RP1L1: variants seen among roughly 807,000 people sequenced by gnomAD.
RP1L1 encodes retinitis pigmentosa 1-like 1 protein.
In RP1L1, 27 loss-of-function variants were observed where a neutral mutation model predicts 15.7. The ratio of observed to expected loss-of-function variants is 1.72; its 90% CI spans 1.27 to 2.38. The LOEUF is 2.38. Ranked by LOEUF, RP1L1 falls within the 30% of genes most tolerant of loss-of-function variation. The probability of loss-of-function intolerance (pLI) is 0.00; values close to 1 mark genes in which losing one functional copy is unlikely to be tolerated. For synonymous variants in RP1L1, 1,813 were observed against 1,276.7 expected, an observed-to-expected ratio of 1.42 and a Z score of -8.96; for missense variants, 4,798 against 3,075.9, an observed-to-expected ratio of 1.56 and a Z score of -13.24.
chr8:10,626,533 G>C (rs1441545939), intron 1 of RP1L1, among the ~76,000 whole-genome samples: 1 of 152,200 alleles, frequency 6.6e-6, no homozygotes, highest in African/African-American at 2.4e-5. Context: ...CGGGCTGCAT[G>C]GGGTCAGGCA....
intron 1 of RP1L1, among the ~76,000 whole-genome samples, chr8:10,654,205 T>TG: frequency 6.6e-6 from 1 of 152,230 alleles, no homozygotes; most frequent in Non-Finnish European, 1.5e-5. Flanking sequence ...GACTGGCCGC[T>TG]GGGGGGATGT....
rs772502717 is a variant in RP1L1, at chr8:10,611,096, T to C, written c.3002A>G (p.Glu1001Gly). 2.5e-6 allele frequency: 4 copies of C among 1,612,718 alleles called. No homozygotes were observed. The highest frequency in any genetic ancestry group is 3.4e-6 in the Non-Finnish European group (4 of 1,180,008). Residue 1001 changes from glutamate to glycine, a missense_variant, in exon 4 of 4, where the codon GAA (glutamate) becomes GGA (glycine). Glu to Gly is a moderately conservative substitution (Grantham distance 98). Coordinates refer to ENST00000382483, the MANE Select transcript of RP1L1 (RefSeq NM_178857.6). ...CGCCTGAGCTGGCTCCCCCAGGCCTTCCAGAGAATGGTCATCCCCAGGGTC... is the reference window on the plus strand; with the variant it reads ...CGCCTGAGCTGGCTCCCCCAGGCCTCCCAGAGAATGGTCATCCCCAGGGTC... ...EVDPGDDHSLEGLGEPAQAGQ... is the reference protein window; with the variant it reads ...EVDPGDDHSLGGLGEPAQAGQ...
At chr8:10,617,399 CAAA>C (rs369885056) in intron 2 of RP1L1, among the ~76,000 whole-genome samples, 263 of 83,004 alleles carry the variant, frequency 3.2e-3, no homozygotes, top group South Asian at 0.017. Context: ...TGCTCATTAA[CAAA>C]AAAAAAAAAA....
Position 10,611,579 on chromosome 8 carries a change from C to T in RP1L1, c.2519G>A (p.Gly840Glu), listed in dbSNP as rs1370267482. 4 of 1,608,758 alleles carry T rather than the reference C, an allele frequency of 2.5e-6. No individual in the cohort carries two copies. Among genetic ancestry groups the T allele is most frequent in the Non-Finnish European group, 3.4e-6 (4 of 1,178,024 alleles). Residue 840 changes from glycine (G) to glutamate (E), a missense_variant, in exon 4 of 4, where the codon GGA becomes GAA. Physicochemically the swap from Gly to Glu is moderately conservative, Grantham distance 98. Transcript: ENST00000382483. ...GTQPAQEAQR[G>E]PSPEASWLCG... is the part of the protein sequence containing the mutation. ...CAGCCAGCTAGCCTCAGGGGAGGGT[C>T]CCCGCTGGGCCTCTTGGGCCGGCTG...
At chr8:10,615,559 G>T (rs1797951963) in intron 3 of RP1L1, among the ~76,000 whole-genome samples, 2 of 152,126 alleles carry the variant, frequency 1.3e-5, no homozygotes, top group South Asian at 4.1e-4. Flanking sequence ...TTGAGGCAGG[G>T]TCTCTGTTGC....
chr8:10,648,029 C>A lies in RP1L1; in HGVS notation c.-20+6869G>T, dbSNP rs117695673. Among the ~76,000 whole-genome samples the A allele has an allele frequency of 4.5e-3, 678 of 152,008 alleles. 5 individuals are homozygous for A. Among genetic ancestry groups the A allele is most frequent in the Non-Finnish European group, 7.5e-3 (507 of 67,942 alleles). ...TTGTTATTTTCTGGTTTCTCTCTCT[C>A]TCTCTTTTCTTTTTTTTTTTTAGAC... On this transcript the variant is annotated intron_variant, in intron 1 of 3. Transcript: ENST00000382483.
chr8:10,608,925 C>T lies in RP1L1; in HGVS notation c.5173G>A (p.Gly1725Arg). 1 of 1,614,140 alleles carries T rather than the reference C, an allele frequency of 6.2e-7. No individual in the cohort carries two copies. The highest frequency in any genetic ancestry group is 8.5e-7 in the Non-Finnish European group (1 of 1,180,032). The change falls in exon 4 of 4, where the codon GGA becomes AGA. Residue 1725 changes from glycine to arginine, a missense_variant. Transcript: ENST00000382483. ...TDPTSTRTVQ[G>R]AEGGLGPGLS... ...CCCGGCCCCAGCCCTCCCTCAGCTC[C>T]CTGGACAGTCCTAGTGCTCGTGGGG...
chr8:10,610,434 T>A lies in RP1L1; in HGVS notation c.3664A>T (p.Thr1222Ser). Residue 1222 changes from threonine to serine, a missense_variant, in exon 4 of 4, where the codon ACC (threonine) becomes TCC (serine). Physicochemically the swap from Thr to Ser is moderately conservative, Grantham distance 58. Transcript: ENST00000382483. ...AGCTCTGTCCCCTGTGTCACCAGGG[T>A]GCCGTCCATGGCACAGGGTACGCTA... ...ESSVPCAMDGTLVTQGTELPL... is the reference protein window; with the variant it reads ...ESSVPCAMDGSLVTQGTELPL... 6.2e-7 allele frequency: 1 copy of A among 1,613,836 alleles called. No homozygotes were observed. The highest frequency in any genetic ancestry group is 8.5e-7 in the Non-Finnish European group (1 of 1,180,024).
chr8:10,625,788 G>C (rs1585983920), intron 1 of RP1L1, among the ~76,000 whole-genome samples: 1 of 152,262 alleles, frequency 6.6e-6, no homozygotes, highest in East Asian at 1.9e-4. Context: ...GGTGGTCTCA[G>C]TGAGCACAGA....
Position 10,607,342 on chromosome 8 carries a change from G to A in RP1L1, c.6756C>T (p.Ser2252=), listed in dbSNP as rs1161797529. 1.2e-5 allele frequency: 20 copies of A among 1,614,036 alleles called. No individual in the cohort carries two copies. Among genetic ancestry groups the A allele is most frequent in the Admixed American group, 1.7e-5 (1 of 60,010 alleles). ...GGCCATCTCCTAGACTGACCTGAGGGCTCCCCTTTTTCTCACCTTGAGTTT... is the reference window on the plus strand; with the variant it reads ...GGCCATCTCCTAGACTGACCTGAGGACTCCCCTTTTTCTCACCTTGAGTTT... ...EGETQGEKKG[S]PQVSLGDGQS... is the part of the protein sequence containing the mutation. The change falls in exon 4 of 4, where the codon AGC becomes AGT. Residue 2252 remains serine (S), a synonymous_variant. Transcript: ENST00000382483.
At position 10,640,704 on chromosome 8, in the gene RP1L1, T is replaced by C. The variant is rs1204172783; in HGVS notation, c.-20+14194A>G. 2.6e-5 allele frequency among the ~76,000 whole-genome samples: 4 copies of C among 151,730 alleles called. No homozygotes were observed. The South Asian group carries it at 6.3e-4, about 24-fold the overall frequency. On this transcript the variant is annotated intron_variant, in intron 1 of 3. Coordinates refer to ENST00000382483, the MANE Select transcript of RP1L1 (RefSeq NM_178857.6). The stretch of plus-strand genomic sequence containing the variant: ...TAATATTTTATTATTATTATCATCA[T>C]CTATAAGGTGTAGGAAAGAGATTGT...
At position 10,650,988 on chromosome 8, in the gene RP1L1, A is replaced by C. The variant is rs575143774; in HGVS notation, c.-20+3910T>G. 2.6e-5 allele frequency among the ~76,000 whole-genome samples: 4 copies of C among 152,380 alleles called. No homozygotes were observed. In the South Asian group the frequency reaches 8.3e-4, roughly 32 times the overall value. On this transcript the variant is annotated intron_variant, in intron 1 of 3. Coordinates refer to ENST00000382483, the MANE Select transcript of RP1L1 (RefSeq NM_178857.6). Reference sequence around the variant, plus strand: ...GAGCAAGTGAAAGCTAAAAGGGAACACTAAGCTGCTAATAGCTGTAGTGTT... The same window carrying C: ...GAGCAAGTGAAAGCTAAAAGGGAACCCTAAGCTGCTAATAGCTGTAGTGTT...
At position 10,613,328 on chromosome 8, in the gene RP1L1, G is replaced by A. The variant is rs1440767418; in HGVS notation, c.770C>T (p.Thr257Ile). Residue 257 changes from threonine (T) to isoleucine (I), a missense_variant, in exon 4 of 4, where the codon ACC (threonine) becomes ATC (isoleucine). By Grantham distance (89) the Thr-to-Ile change is moderately conservative (BLOSUM62 -1). Transcript: ENST00000382483. ...CCGCGAATGGATCACACTCGGCTTG[G>A]TCTTTGGCCCCCAGCTCCCTGGCAC... ...RNKNGSWGPK[T>I]KPSVIHSRSP... is the part of the protein sequence containing the mutation. 7.5e-6 allele frequency: 12 copies of A among 1,600,400 alleles called. No homozygotes were observed. Among genetic ancestry groups the A allele is most frequent in the African/African-American group, 1.3e-5 (1 of 74,936 alleles).
Position 10,610,499 on chromosome 8 carries a change from C to T in RP1L1, c.3599G>A (p.Gly1200Asp), listed in dbSNP as rs964723839. The T allele has an allele frequency of 1.9e-6, 3 of 1,613,780 alleles. No homozygotes were observed. The highest frequency in any genetic ancestry group is 1.7e-5 in the Admixed American group (1 of 60,030). The change falls in exon 4 of 4, where the codon GGT (glycine) becomes GAT (aspartate). Residue 1200 changes from glycine (G) to aspartate (D), a missense_variant. Coordinates refer to ENST00000382483, the MANE Select transcript of RP1L1 (RefSeq NM_178857.6). ...TCCAGAGCCGCTGCTGATGTCCACA[C>T]CAGAGGAGGATGTGGGCGTGAAGTT... ...TENFTPTSSS[G>D]VDISSGSGGS...
At position 10,610,592 on chromosome 8, in the gene RP1L1, T is replaced by G; in HGVS notation, c.3506A>C (p.Asp1169Ala). ...CCATGTGAGCTCCCAGAGGCCTGAG[T>G]CCAGCTGGTCTTCCCCAACGTCACA... ...PGCDVGEDQL[D>A]SGLWELTWSQ... is the part of the protein sequence containing the mutation. Residue 1169 changes from aspartate to alanine, a missense_variant, in exon 4 of 4, where the codon GAC becomes GCC. By Grantham distance (126) the Asp-to-Ala change is moderately radical. Coordinates refer to ENST00000382483, the MANE Select transcript of RP1L1 (RefSeq NM_178857.6). 7 of 1,613,476 alleles carry G rather than the reference T, an allele frequency of 4.3e-6. No homozygotes were observed. The highest frequency in any genetic ancestry group is 5.9e-6 in the Non-Finnish European group (7 of 1,179,992).
At position 10,612,548 on chromosome 8, in the gene RP1L1, T is replaced by G; in HGVS notation, c.1550A>C (p.Gln517Pro). The G allele has an allele frequency of 6.2e-7, 1 of 1,609,278 alleles. No individual in the cohort carries two copies. The highest frequency in any genetic ancestry group is 2.2e-5 in the East Asian group (1 of 44,854). Residue 517 changes from glutamine to proline, a missense_variant, in exon 4 of 4, where the codon CAA becomes CCA. Physicochemically the swap from Gln to Pro is moderately conservative, Grantham distance 76. Coordinates refer to ENST00000382483, the MANE Select transcript of RP1L1 (RefSeq NM_178857.6). ...GGCCCTCGGTGTCAGGCGGCCGCCTTGCTCTGGGCCGCCCAGCCCTGCTCC... is the reference window on the plus strand; with the variant it reads ...GGCCCTCGGTGTCAGGCGGCCGCCTGGCTCTGGGCCGCCCAGCCCTGCTCC... ...IDGAGLGGPE[Q>P]GGRLTPRARS...
chr8:10,607,492 T>C lies in RP1L1; in HGVS notation c.6606A>G (p.Glu2202=). 1 of 1,609,558 alleles carries C rather than the reference T, an allele frequency of 6.2e-7. No homozygotes were observed. The highest frequency in any genetic ancestry group is 8.5e-7 in the Non-Finnish European group (1 of 1,177,002). The change falls in exon 4 of 4, where the codon GAA becomes GAG. Residue 2202 remains glutamate (E), a synonymous_variant. Transcript: ENST00000382483. ...CTTCTAACTCTGGTTGGGCCTCCCC[T>C]TCTGCCTCTGGGGCCTCTATACCTT... is the stretch of plus-strand genomic sequence containing the variant. The part of the protein sequence containing the change: ...ESEGIEAPEA[E]GEAQPELEGV...
intron 1 of RP1L1, among the ~76,000 whole-genome samples, chr8:10,623,737 T>C (rs937018164): frequency 1.3e-5 from 2 of 150,340 alleles, no homozygotes; most frequent in African/African-American, 4.9e-5. Context: ...CCTAGAGTCA[T>C]ATGCACTTAC....
intron 1 of RP1L1, among the ~76,000 whole-genome samples, chr8:10,648,301 G>A (rs57722284): frequency 0.013 from 2,001 of 152,132 alleles, 44 homozygotes; most frequent in African/African-American, 0.045. Context: ...CAAAGTACTG[G>A]GATTACAGGT....
Sources: gnomAD v4.1 joint callset for allele counts (sites outside exome capture counted in the v4.1 genomes callset) on GRCh38, gnomAD v4.1.1 for gene constraint, MANE v1.5 for transcripts, NCBI Gene and HGNC (gene_info 2026-07-23, HGNC 2026-07-21) for gene names.